TRAK1: variants seen among roughly 807,000 people sequenced by gnomAD.
TRAK1 encodes trafficking kinesin protein 1.
TRAK1 carries 33 observed loss-of-function variants against 92.1 expected under a neutral mutation model. The observed-to-expected ratio is 0.36, with a 90% CI of 0.27 to 0.48. TRAK1 has a LOEUF of 0.48. TRAK1 is among the 20% of genes least tolerant of loss of function. TRAK1 has a pLI of 0.99. For synonymous variants in TRAK1, 521 were observed against 517.3 expected, an observed-to-expected ratio of 1.01 and a Z score of -0.10; for missense variants, 1,123 against 1,257.9, an observed-to-expected ratio of 0.89 and a Z score of 1.62.
At chr3:42,145,439 T>C (rs67796231) in intron 2 of TRAK1, among the ~76,000 whole-genome samples, 28,390 of 150,818 alleles carry the variant, frequency 0.19, 2,731 homozygotes, top group African/African-American at 0.21. Flanking sequence ...GAGCCAAGAT[T>C]GTGCCACTGC....
Position 42,219,601 on chromosome 3 carries a change from G to A in TRAK1, c.2066+5G>A, listed in dbSNP as rs1029252521. 6.2e-6 allele frequency: 10 copies of A among 1,613,592 alleles called. No individual in the cohort carries two copies. Among genetic ancestry groups the A allele is most frequent in the African/African-American group, 4.0e-5 (3 of 74,814 alleles). On this transcript the variant is annotated splice_donor_5th_base_variant and intron_variant, in intron 15 of 15. Transcript: ENST00000327628. ...GCTCACTCGGGTCACACCAAGGTAAGGGACCCTGGCTTTGGGGTGGGCAGG... is the reference window on the plus strand; with the variant it reads ...GCTCACTCGGGTCACACCAAGGTAAAGGACCCTGGCTTTGGGGTGGGCAGG...
chr3:42,201,177 G>T, intron 12 of TRAK1, 123 bp downstream of exon 12: 3 of 1,078,918 alleles, frequency 2.8e-6, no homozygotes, highest in Non-Finnish European at 4.1e-6. Flanking sequence ...ATACAGACCT[G>T]GCCGGGCGTG....
chr3:42,194,828 G>T lies in TRAK1; in HGVS notation c.1000G>T (p.Ala334Ser), dbSNP rs771516117. The part of the protein sequence containing the change: ...AELRELEDKY[A>S]ECMEMLHEAQ... ...GCTGCGTGAGCTGGAGGACAAGTAC[G>T]CAGAGTGCATGGAGATGCTGCATGA... Residue 334 changes from alanine to serine, a missense_variant, in exon 10 of 16, where the codon GCA becomes TCA. Around this residue, in one of 3 missense-constraint regions of TRAK1, gnomAD observed 686 missense variants for 747.6 expected, o/e 0.92. Transcript: ENST00000327628. 12 of 1,613,610 alleles carry T rather than the reference G, an allele frequency of 7.4e-6. No homozygotes were observed. The highest frequency in any genetic ancestry group is 4.5e-5 in the East Asian group (2 of 44,882).
At chr3:42,105,368 G>A (rs551720692) in intron 1 of TRAK1, among the ~76,000 whole-genome samples, 57 of 152,302 alleles carry the variant, frequency 3.7e-4, no homozygotes, top group Admixed American at 2.9e-3. Flanking sequence ...ACTATGTGAC[G>A]CATGCACAAG....
In TRAK1 at chr3:42,223,247, C is replaced by T. The variant is rs776488243; in HGVS notation, c.2372C>T (p.Thr791Ile). The change falls in exon 16 of 16, where the codon ACA (threonine) becomes ATA (isoleucine). Residue 791 changes from threonine to isoleucine, a missense_variant. By Grantham distance (89) the Thr-to-Ile change is moderately conservative. Transcript: ENST00000327628. The surrounding 1 kb of genome is among the most constrained non-coding windows in gnomAD (Gnocchi z 6.1). The part of the protein sequence containing the change: ...TPPNSPMQTP[T>I]SSPPSFEFKC... ...CCGAACTCGCCTATGCAGACACCCA[C>T]ATCCTCCCCACCCTCCTTTGAGTTC... is the stretch of plus-strand genomic sequence containing the variant. 22 of 1,614,256 alleles carry T rather than the reference C, an allele frequency of 1.4e-5. No homozygotes were observed. The South Asian group carries it at 2.0e-4, about 14-fold the overall frequency.
chr3:42,060,464 G>A (rs1278857052), intron 1 of TRAK1, among the ~76,000 whole-genome samples: 1 of 151,950 alleles, frequency 6.6e-6, no homozygotes, highest in Non-Finnish European at 1.5e-5. Context: ...TGAAACTGTG[G>A]GACAGGAGAG....
upstream of TRAK1, among the ~76,000 whole-genome samples, chr3:42,084,516 C>T (rs1196329181): frequency 3.9e-5 from 6 of 152,226 alleles, no homozygotes; most frequent in Admixed American, 2.0e-4. Context: ...AAGTCAGTCT[C>T]CAGACCAAGA....
chr3:42,084,093 G>C (rs987023369), upstream of TRAK1, among the ~76,000 whole-genome samples: 7 of 151,700 alleles, frequency 4.6e-5, no homozygotes, highest in African/African-American at 1.7e-4. Context: ...TGATTTAAAG[G>C]TGTAAGTCTT....
In TRAK1 at chr3:42,165,097, A is replaced by G. The variant is rs1414836990; in HGVS notation, c.287-11717A>G. ...AATCACTAAATTTCTGGCAAATGGTATTCAGGATTGCTCAGGAGAAGGCAT... is the reference window on the plus strand; with the variant it reads ...AATCACTAAATTTCTGGCAAATGGTGTTCAGGATTGCTCAGGAGAAGGCAT... On this transcript the variant is annotated intron_variant, in intron 2 of 15. Coordinates refer to ENST00000327628, the MANE Select transcript of TRAK1 (RefSeq NM_001042646.3). Among the ~76,000 whole-genome samples the G allele has an allele frequency of 2.6e-5, 4 of 152,306 alleles. No homozygotes were observed. The South Asian group carries it at 6.2e-4, about 24-fold the overall frequency.
chr3:42,212,640 CT>C (rs2149516982), intron 14 of TRAK1: 1 of 783,852 alleles, frequency 1.3e-6, no homozygotes, highest in Non-Finnish European at 1.5e-6. Flanking sequence ...TATAGTTTTA[CT>C]TTATTTCAGT....
chr3:42,079,846 G>C (rs1233891568), intron 1 of TRAK1, among the ~76,000 whole-genome samples: 1 of 152,026 alleles, frequency 6.6e-6, no homozygotes, highest in Non-Finnish European at 1.5e-5. Context: ...TGTTTACAAA[G>C]GGCAGCTCTG....
upstream of TRAK1, among the ~76,000 whole-genome samples, chr3:42,084,489 C>T (rs187744012): frequency 9.1e-4 from 138 of 152,330 alleles, no homozygotes; most frequent in African/African-American, 3.1e-3. Flanking sequence ...GAGTTTCATG[C>T]ACTGATTCTA....
intron 1 of TRAK1, among the ~76,000 whole-genome samples, chr3:42,035,206 C>A (rs1456727197): frequency 6.6e-6 from 1 of 152,190 alleles, no homozygotes; most frequent in Non-Finnish European, 1.5e-5. Flanking sequence ...TCTGGAAATG[C>A]TGTTTCCCTT....
chr3:42,087,428 G>C (rs1704732565), upstream of TRAK1: 1 of 152,902 alleles, frequency 6.5e-6, no homozygotes, highest in Admixed American at 6.5e-5. Flanking sequence ...CTGCCAGGGA[G>C]GAAGGGAGGG....
chr3:42,092,596 C>T (rs1705216804), intron 1 of TRAK1, among the ~76,000 whole-genome samples: 2 of 152,044 alleles, frequency 1.3e-5, no homozygotes, highest in South Asian at 4.2e-4. Flanking sequence ...TGAGAATTGC[C>T]TAGGAAAAAT....
chr3:42,069,678 G>A (rs1703833533), intron 1 of TRAK1, among the ~76,000 whole-genome samples: 7 of 152,076 alleles, frequency 4.6e-5, no homozygotes, highest in Admixed American at 4.6e-4. Flanking sequence ...ACTGGAAATG[G>A]CGTTGTGGTG....
At chr3:42,015,936 G>T (rs1701505958) in intron 1 of TRAK1, among the ~76,000 whole-genome samples, 1 of 151,956 alleles carries the variant, frequency 6.6e-6, no homozygotes. Context: ...ACTAAGGAGG[G>T]TGAGTCAGGA....
intron 14 of TRAK1, chr3:42,218,390 A>C: frequency 2.0e-6 from 2 of 981,856 alleles, no homozygotes; most frequent in Non-Finnish European, 2.4e-6. Flanking sequence ...CTGAAATCTG[A>C]ATCAGTTTTC....
At position 42,223,384 on chromosome 3, in the gene TRAK1, T is replaced by C; in HGVS notation, c.2509T>C (p.Ser837Pro). 2 of 1,614,214 alleles carry C rather than the reference T, an allele frequency of 1.2e-6. No individual in the cohort carries two copies. The highest frequency in any genetic ancestry group is 1.7e-6 in the Non-Finnish European group (2 of 1,180,032). The change falls in exon 16 of 16, where the codon TCC (serine) becomes CCC (proline). Residue 837 changes from serine (S) to proline (P), a missense_variant. Coordinates refer to ENST00000327628, the MANE Select transcript of TRAK1 (RefSeq NM_001042646.3). This position sits in a 1 kb window ranked among gnomAD's most constrained non-coding sequence, Gnocchi z 6.1. ...VRSSESQTDV[S>P]VSNLNLVDKV... ...CAGCAGCGAGAGCCAGACCGACGTG[T>C]CCGTCTCCAACCTCAACCTCGTGGA...
Sources: allele counts gnomAD v4.1 joint callset (sites outside exome capture counted in the v4.1 genomes callset), GRCh38; gene constraint gnomAD v4.1.1; regional missense constraint gnomAD v4.1.1; non-coding constraint Gnocchi (gnomAD v3.1); transcripts MANE v1.5; gene names NCBI Gene and HGNC (gene_info 2026-07-23, HGNC 2026-07-21).